Variants in SLC22A23 observed in about 807,000 individuals in gnomAD.
SLC22A23 encodes the protein solute carrier family 22 member 23.
Under a neutral mutation model 61.0 loss-of-function variants are expected in SLC22A23, and 26 were observed. That is an observed-to-expected ratio of 0.43 (90% confidence interval 0.31 to 0.59). The LOEUF (loss-of-function observed/expected upper bound fraction) is 0.59, where lower values mean the gene tolerates loss of function less well. Ranked by LOEUF, SLC22A23 falls within the 20% of genes least tolerant of loss-of-function variation. SLC22A23 has a pLI of 0.11. For synonymous variants in SLC22A23, 430 were observed against 413.9 expected (o/e 1.04, Z -0.47); for missense variants, 796 against 934.7 (o/e 0.85, Z 1.94).
intron 5 of SLC22A23, among the ~76,000 whole-genome samples, chr6:3,294,523 G>A (rs1169000096): frequency 6.6e-6 from 1 of 152,174 alleles, no homozygotes; most frequent in African/African-American, 2.4e-5. Context: ...TTCTGGATAA[G>A]GGATGCTCAG....
At chr6:3,401,203 G>A (rs909151264) in intron 3 of SLC22A23, among the ~76,000 whole-genome samples, 2 of 152,180 alleles carry the variant, frequency 1.3e-5, no homozygotes, top group African/African-American at 4.8e-5. Flanking sequence ...TTAGCCGGGC[G>A]TGGTGGCGCC....
intron 3 of SLC22A23, among the ~76,000 whole-genome samples, chr6:3,350,520 C>T (rs1006785261): frequency 6.6e-6 from 1 of 152,186 alleles, no homozygotes; most frequent in Admixed American, 6.5e-5. Flanking sequence ...TCCATGGCTG[C>T]TGTTGCAGTA....
intron 4 of SLC22A23, among the ~76,000 whole-genome samples, chr6:3,311,372 G>A (rs1208413054): frequency 6.6e-6 from 1 of 152,154 alleles, no homozygotes; most frequent in Non-Finnish European, 1.5e-5. Context: ...GTGTTGCCAC[G>A]TATCAGAGTA....
At chr6:3,334,113 A>AT in intron 3 of SLC22A23, among the ~76,000 whole-genome samples, 1 of 152,256 alleles carries the variant, frequency 6.6e-6, no homozygotes, top group East Asian at 1.9e-4. Flanking sequence ...TTTAGAGTTT[A>AT]TAACACCTAT....
At chr6:3,380,739 T>C (rs1766903443) in intron 3 of SLC22A23, among the ~76,000 whole-genome samples, 1 of 152,210 alleles carries the variant, frequency 6.6e-6, no homozygotes, top group Non-Finnish European at 1.5e-5. Context: ...TAACAACTTT[T>C]TAAAATCTCA....
intron 3 of SLC22A23, among the ~76,000 whole-genome samples, chr6:3,396,785 A>G (rs1449561693): frequency 6.6e-6 from 1 of 152,206 alleles, no homozygotes; most frequent in African/African-American, 2.4e-5. Context: ...GCCTGACTCC[A>G]GGGAAAACCC....
At chr6:3,273,530 C>T (rs1758625974) in intron 9 of SLC22A23, 118 bp from the exon 10 acceptor site, 1 of 1,059,470 alleles carries the variant, frequency 9.4e-7, no homozygotes, top group East Asian at 2.5e-5. Flanking sequence ...TGGGCACTGC[C>T]CAGTATACCC....
At position 3,455,917 on chromosome 6, in the gene SLC22A23, C is replaced by G; in HGVS notation, c.643G>C (p.Val215Leu). ...YGIRAGLVQNVVSKWDLVCDN... is the reference protein window; with the variant it reads ...YGIRAGLVQNLVSKWDLVCDN... ...GCTGCGGCCCTTACCTTGCTGACCA[C>G]GTTCTGGACGAGGCCGGCGCGGATG... Residue 215 changes from valine (V) to leucine (L), a missense_variant, in exon 1 of 10, where the codon GTG becomes CTG. Physicochemically the swap from Val to Leu is conservative, Grantham distance 32. Coordinates refer to ENST00000406686, the MANE Select transcript of SLC22A23 (RefSeq NM_015482.2). The G allele has an allele frequency of 2.0e-6, 3 of 1,505,402 alleles. No individual in the cohort carries two copies. Among genetic ancestry groups the G allele is most frequent in the Non-Finnish European group, 2.7e-6 (3 of 1,119,814 alleles). 93.3% of individuals were successfully genotyped at this position (1,505,402 alleles called of 1,614,324 possible).
intron 4 of SLC22A23, among the ~76,000 whole-genome samples, chr6:3,298,978 CAA>C (rs56373817): frequency 0.34 from 35,336 of 103,764 alleles, 5,083 homozygotes; most frequent in Non-Finnish European, 0.43. Context: ...GACTCCGTCT[CAA>C]AAAAAAAAAA....
In SLC22A23 at chr6:3,327,805, G is replaced by C. The variant is rs1433982638; in HGVS notation, c.914-3803C>G. Among the ~76,000 whole-genome samples, 2 of 152,142 alleles carry C rather than the reference G, an allele frequency of 1.3e-5. No individual in the cohort carries two copies. Among genetic ancestry groups the C allele is most frequent in the African/African-American group, 4.8e-5 (2 of 41,432 alleles). Reference sequence around the variant, plus strand: ...AAGTCTAAAAACAAAATTCATTTATGTTTCATATAAATCTTATATACATAG... The same window carrying C: ...AAGTCTAAAAACAAAATTCATTTATCTTTCATATAAATCTTATATACATAG... On this transcript the variant is annotated intron_variant, in intron 3 of 9. Transcript: ENST00000406686. This position sits in a 1 kb window ranked among gnomAD's most constrained non-coding sequence, Gnocchi z 4.1.
intron 1 of SLC22A23, among the ~76,000 whole-genome samples, chr6:3,441,611 G>A (rs532761799): frequency 2.6e-5 from 4 of 152,252 alleles, no homozygotes; most frequent in South Asian, 4.1e-4. Flanking sequence ...GCCCACTGAC[G>A]GAAGCGACTC....
At chr6:3,284,510 G>C (rs1759784368) in intron 8 of SLC22A23, among the ~76,000 whole-genome samples, 1 of 152,226 alleles carries the variant, frequency 6.6e-6, no homozygotes, top group East Asian at 1.9e-4. Flanking sequence ...CGGGCATGCT[G>C]TCAGGACCAT....
chr6:3,420,460 T>C (rs1267877811), intron 1 of SLC22A23, among the ~76,000 whole-genome samples: 1 of 152,040 alleles, frequency 6.6e-6, no homozygotes, highest in Non-Finnish European at 1.5e-5. Context: ...AATTCTATGA[T>C]AAAATGTAAA....
At chr6:3,420,361 A>C (rs1006309322) in intron 1 of SLC22A23, among the ~76,000 whole-genome samples, 2 of 152,228 alleles carry the variant, frequency 1.3e-5, no homozygotes, top group African/African-American at 4.8e-5. Flanking sequence ...AGAGTGGAGA[A>C]ACATTCATCA....
chr6:3,402,504 C>CTGA (rs1345490318), intron 3 of SLC22A23, among the ~76,000 whole-genome samples: 4 of 148,530 alleles, frequency 2.7e-5, no homozygotes, highest in Non-Finnish European at 4.5e-5. Flanking sequence ...TAGGCCCCAG[C>CTGA]CAACCCCAAT....
intron 1 of SLC22A23, among the ~76,000 whole-genome samples, chr6:3,442,933 T>C (rs935948162): frequency 6.6e-6 from 1 of 152,184 alleles, no homozygotes; most frequent in African/African-American, 2.4e-5. Flanking sequence ...AAAGCAACTG[T>C]CTCAACTTTG....
intron 3 of SLC22A23, among the ~76,000 whole-genome samples, chr6:3,351,992 A>G (rs1764796325): frequency 6.6e-6 from 1 of 152,264 alleles, no homozygotes; most frequent in East Asian, 1.9e-4. Context: ...ATGACTGTCC[A>G]CCACCCGACT....
chr6:3,282,528 C>T (rs1003040100), intron 9 of SLC22A23, among the ~76,000 whole-genome samples: 2 of 152,244 alleles, frequency 1.3e-5, no homozygotes, highest in African/African-American at 4.8e-5. Context: ...TGCCTACTTG[C>T]TCCCAAAGCC....
At chr6:3,404,033 G>C (rs779933290) in intron 3 of SLC22A23, among the ~76,000 whole-genome samples, 3 of 152,154 alleles carry the variant, frequency 2.0e-5, no homozygotes, top group Non-Finnish European at 4.4e-5. Context: ...GAACAGCTTT[G>C]TTTCAAATGA....
Sources: gnomAD v4.1 joint callset for allele counts (sites outside exome capture counted in the v4.1 genomes callset) on GRCh38, gnomAD v4.1.1 for gene constraint, Gnocchi (gnomAD v3.1) non-coding constraint, MANE v1.5 for transcripts, NCBI Gene and HGNC (gene_info 2026-07-23, HGNC 2026-07-21) for gene names.